Variants in CNTN4 observed in about 807,000 individuals in gnomAD.
CNTN4 encodes contactin 4.
In CNTN4, 77 loss-of-function variants were observed where a neutral mutation model predicts 122.5. The ratio of observed to expected loss-of-function variants is 0.63; its 90% confidence interval spans 0.52 to 0.76. The LOEUF (loss-of-function observed/expected upper bound fraction) is 0.76, where lower values mean the gene tolerates loss of function less well. Ranked by LOEUF, CNTN4 falls within the 30% of genes least tolerant of loss-of-function variation. The probability of loss-of-function intolerance (pLI) is 0.00; values close to 1 mark genes in which losing one functional copy is unlikely to be tolerated. For synonymous variants in CNTN4, 512 were observed against 447.0 expected, an observed-to-expected ratio of 1.15 and a Z score of -1.83; for missense variants, 1,256 against 1,259.1, an observed-to-expected ratio of 1.00 and a Z score of 0.04.
chr3:2,923,623 T>A (rs1466690365), intron 12 of CNTN4, among the ~76,000 whole-genome samples: 1 of 152,196 alleles, frequency 6.6e-6, no homozygotes, highest in Non-Finnish European at 1.5e-5. Flanking sequence ...ATTGCGTAAT[T>A]CTCAATCTTT....
At chr3:2,403,122 G>A (rs1159916710) in intron 3 of CNTN4, among the ~76,000 whole-genome samples, 3 of 151,998 alleles carry the variant, frequency 2.0e-5, no homozygotes, top group Non-Finnish European at 2.9e-5. Context: ...CTTGTATCAC[G>A]CCGAGCTCTG....
chr3:2,309,041 A>G (rs1439367938), intron 2 of CNTN4, among the ~76,000 whole-genome samples: 1 of 152,082 alleles, frequency 6.6e-6, no homozygotes, highest in Non-Finnish European at 1.5e-5. Flanking sequence ...TCTTTCCACT[A>G]TTTAAAGAAG....
At chr3:2,348,579 C>T (rs1176290008) in intron 3 of CNTN4, among the ~76,000 whole-genome samples, 5 of 152,242 alleles carry the variant, frequency 3.3e-5, no homozygotes, top group South Asian at 2.1e-4. Context: ...CATTCCATTT[C>T]CTTTCCTTAA....
chr3:2,196,626 A>G (rs1044402591), intron 2 of CNTN4, among the ~76,000 whole-genome samples: 17 of 152,186 alleles, frequency 1.1e-4, no homozygotes, highest in Non-Finnish European at 1.5e-5. Context: ...TATACCAAGC[A>G]TAAAGAAATA....
At chr3:2,713,882 A>C (rs1381812282) in intron 4 of CNTN4, among the ~76,000 whole-genome samples, 1 of 152,244 alleles carries the variant, frequency 6.6e-6, no homozygotes, top group Non-Finnish European at 1.5e-5. Context: ...AAAGGAACTT[A>C]AGTGTTCACA....
At chr3:2,359,952 G>C (rs1163102276) in intron 3 of CNTN4, among the ~76,000 whole-genome samples, 1 of 152,176 alleles carries the variant, frequency 6.6e-6, no homozygotes, top group Non-Finnish European at 1.5e-5. Context: ...TTGTTTCAAA[G>C]GAAGTAGTAG....
chr3:2,720,252 A>G (rs2087760104), intron 4 of CNTN4, among the ~76,000 whole-genome samples: 1 of 152,192 alleles, frequency 6.6e-6, no homozygotes, highest in Admixed American at 6.5e-5. Flanking sequence ...TAGAGATGCC[A>G]TGACATCAAA....
chr3:2,435,720 C>G (rs1301106223), intron 3 of CNTN4, among the ~76,000 whole-genome samples: 5 of 152,152 alleles, frequency 3.3e-5, no homozygotes, highest in African/African-American at 1.2e-4. Flanking sequence ...GGATGTTCCT[C>G]TATTTAGAAA....
At chr3:2,991,074 C>G (rs1248264363) in intron 14 of CNTN4, among the ~76,000 whole-genome samples, 1 of 152,156 alleles carries the variant, frequency 6.6e-6, no homozygotes, top group Non-Finnish European at 1.5e-5. Context: ...ATGTGAATGT[C>G]TAAAACTAGG....
intron 3 of CNTN4, among the ~76,000 whole-genome samples, chr3:2,512,389 G>T (rs1218966113): frequency 2.6e-5 from 4 of 151,776 alleles, no homozygotes. Flanking sequence ...TTTAAATTTG[G>T]TTCATTTATC....
intron 10 of CNTN4, among the ~76,000 whole-genome samples, chr3:2,895,827 G>T (rs1031910867): frequency 3.3e-5 from 5 of 152,294 alleles, no homozygotes; most frequent in South Asian, 2.1e-4. Flanking sequence ...AAGGTCAGGA[G>T]ATCGAGACCA....
At chr3:2,383,467 A>G (rs1228586102) in intron 3 of CNTN4, among the ~76,000 whole-genome samples, 3 of 151,906 alleles carry the variant, frequency 2.0e-5, no homozygotes, top group African/African-American at 7.3e-5. Flanking sequence ...TATTTTTTCC[A>G]TTTCACGGTT....
chr3:2,390,183 G>C lies in CNTN4; in HGVS notation c.-89+50950G>C, dbSNP rs1393111283. Reference sequence around the variant, plus strand: ...TTAGGGTTAAATAAATGTCATGTCTGAAACTTACTGTCAATGGGTTTAGGA... The same window carrying C: ...TTAGGGTTAAATAAATGTCATGTCTCAAACTTACTGTCAATGGGTTTAGGA... On this transcript the variant is annotated intron_variant, in intron 3 of 24. Transcript: ENST00000418658. Among the ~76,000 whole-genome samples, 4 of 151,180 alleles carry C rather than the reference G, an allele frequency of 2.6e-5. No individual in the cohort carries two copies. In the Admixed American group the frequency reaches 2.6e-4, roughly 10 times the overall value.
At chr3:2,970,422 C>T (rs1692785783) in intron 13 of CNTN4, among the ~76,000 whole-genome samples, 2 of 151,962 alleles carry the variant, frequency 1.3e-5, no homozygotes, top group East Asian at 1.9e-4. Context: ...GACTAGAATG[C>T]CTTAATGATA....
rs1016969452 is a variant in CNTN4 at position 2,709,239 on chromosome 3, T to C, written c.56-26976T>C. Among the ~76,000 whole-genome samples the C allele has an allele frequency of 6.6e-6, 1 of 152,240 alleles. No homozygotes were observed. The highest frequency in any genetic ancestry group is 1.5e-5 in the Non-Finnish European group (1 of 68,048). On this transcript the variant is annotated intron_variant, in intron 4 of 24. Transcript: ENST00000418658. The surrounding 1 kb of genome is among the most constrained non-coding windows in gnomAD (Gnocchi z 5.0). ...ACTATTTCTTTTAGAATAAAGAATGTATTTATAGTTTTGTTTTGTTTTTAA... is the reference window on the plus strand; with the variant it reads ...ACTATTTCTTTTAGAATAAAGAATGCATTTATAGTTTTGTTTTGTTTTTAA...
chr3:2,596,767 A>G (rs531281427), intron 4 of CNTN4, among the ~76,000 whole-genome samples: 2 of 152,328 alleles, frequency 1.3e-5, no homozygotes, highest in South Asian at 2.1e-4. Flanking sequence ...TCACTATTCA[A>G]TACTGCAGAT....
At chr3:2,956,186 A>C (rs2094797685) in intron 13 of CNTN4, among the ~76,000 whole-genome samples, 1 of 152,226 alleles carries the variant, frequency 6.6e-6, no homozygotes, top group African/African-American at 2.4e-5. Flanking sequence ...AACTGGACAC[A>C]AAAGGACAAA....
intron 4 of CNTN4, among the ~76,000 whole-genome samples, chr3:2,724,116 G>T (rs962268560): frequency 2.0e-5 from 3 of 152,174 alleles, no homozygotes. Flanking sequence ...AGTCAGAGTT[G>T]ATTTGTAGTT....
intron 13 of CNTN4, among the ~76,000 whole-genome samples, chr3:2,971,342 G>GTCTC (rs1692901471): frequency 8.0e-6 from 1 of 125,514 alleles, no homozygotes; most frequent in Admixed American, 7.2e-5. Flanking sequence ...ATATCTGTCT[G>GTCTC]TCTGTCTGTC....
Sources: allele counts gnomAD v4.1 joint callset (sites outside exome capture counted in the v4.1 genomes callset), GRCh38; gene constraint gnomAD v4.1.1; non-coding constraint Gnocchi (gnomAD v3.1); transcripts MANE v1.5; gene names NCBI Gene and HGNC (gene_info 2026-07-23, HGNC 2026-07-21).